Variants in GOLGA3 observed in about 807,000 individuals in gnomAD.
GOLGA3 encodes the protein golgin A3.
GOLGA3 carries 75 observed loss-of-function variants against 169.4 expected under a neutral mutation model. The observed-to-expected ratio is 0.44, with a 90% CI of 0.37 to 0.54. The LOEUF (loss-of-function observed/expected upper bound fraction) is 0.54. Among genes scored for constraint, GOLGA3 ranks in the 20% least tolerant of loss-of-function variants. GOLGA3 has a pLI of 0.00. For missense variants in GOLGA3, 1,899 were observed against 1,930.0 expected, an observed-to-expected ratio of 0.98 and a Z score of 0.30; for synonymous variants, 824 against 822.4, an observed-to-expected ratio of 1.00 and a Z score of -0.03.
rs1231103574 is a variant in GOLGA3 at position 132,796,803 on chromosome 12, C to G, written c.1939-103G>C. 5.7e-5 allele frequency: 63 copies of G among 1,103,508 alleles called. No homozygotes were observed. In the East Asian group the frequency reaches 1.5e-3, roughly 26 times the overall value. 68.4% of individuals were successfully genotyped at this position (1,103,508 alleles called of 1,614,324 possible). On this transcript the variant is annotated intron_variant, in intron 9 of 23. Transcript: ENST00000450791. ...GAGAAACCCACCGCCCTGGCATGGG[C>G]CCCATCCACCTCCTCATCCTGTCTA...
rs552042765 is a variant in GOLGA3, at chr12:132,777,585, C to G, written c.3722+81G>C. On this transcript the variant is annotated intron_variant, in intron 19 of 23. Transcript: ENST00000450791. This position sits in a 1 kb window ranked among gnomAD's most constrained non-coding sequence, Gnocchi z 4.7. ...CAATTTGCAAAATATAGATGACCCTCGCTGTGCTGAAGGTGTGAATTAGAC... is the reference window on the plus strand; with the variant it reads ...CAATTTGCAAAATATAGATGACCCTGGCTGTGCTGAAGGTGTGAATTAGAC... 4.7e-6 allele frequency: 7 copies of G among 1,491,374 alleles called. No homozygotes were observed. The African/African-American group carries it at 8.3e-5, about 18-fold the overall frequency. 92.4% of individuals were successfully genotyped at this position (1,491,374 alleles called of 1,614,324 possible). A position where few individuals can be genotyped will look rare whatever the true frequency, so the allele number is the denominator to read the frequency against.
chr12:132,819,454 T>G (rs1809468), intron 2 of GOLGA3, among the ~76,000 whole-genome samples: 146,901 of 152,244 alleles, frequency 0.96, 71,096 homozygotes, highest in East Asian at 1. Context: ...GCGTGAACCC[T>G]CGAAGTGGAG....
In GOLGA3 at chr12:132,807,924, T is replaced by C; in HGVS notation, c.1145A>G (p.Glu382Gly). Reference protein sequence around the residue: ...HQDQGQEVNGEVRSRRDSICS... With the variant: ...HQDQGQEVNGGVRSRRDSICS... ...GATGCTGTCTCTCCGACTCCGCACC[T>C]CCCCGTTGACCTCCTGCCCCTGGTC... The change falls in exon 5 of 24, where the codon GAG becomes GGG. Residue 382 changes from glutamate (E) to glycine (G), a missense_variant. Coordinates refer to ENST00000450791, the MANE Select transcript of GOLGA3 (RefSeq NM_001389683.1). 6.9e-7 allele frequency: 1 copy of C among 1,452,518 alleles called. No homozygotes were observed. The highest frequency in any genetic ancestry group is 9.3e-7 in the Non-Finnish European group (1 of 1,080,604). The allele number at this position is 1,452,518 out of a possible 1,614,324, so 90.0% of individuals were successfully genotyped here.
rs139934743 is a variant in GOLGA3 at position 132,786,781 on chromosome 12, G to A, written c.2818C>T (p.Gln940Ter). The A allele has an allele frequency of 6.2e-7, 1 of 1,609,746 alleles. No individual in the cohort carries two copies. The highest frequency in any genetic ancestry group is 8.5e-7 in the Non-Finnish European group (1 of 1,176,178). ...DEMETHLQSL[Q>*]FDKEQMVAVT... is the part of the protein sequence containing the mutation. The stretch of plus-strand genomic sequence containing the variant: ...GCGACCATCTGCTCCTTATCGAACT[G>A]CAACGACTGTGGAAGGGAAGGAGGG... The change falls in exon 14 of 24, where the codon CAG becomes TAG. Residue 940 changes from glutamine to a stop codon, truncating the protein, a stop_gained. Coordinates refer to ENST00000450791, the MANE Select transcript of GOLGA3 (RefSeq NM_001389683.1). LOFTEE classifies it high-confidence loss of function.
In GOLGA3 at chr12:132,800,387, G is replaced by A. The variant is rs112327657; in HGVS notation, c.1800+1380C>T. ...CGGGCGCCTGTAATCCCAGCTACTC[G>A]GGACGCTGAGGCAGGAGAATCACTT... On this transcript the variant is annotated intron_variant, in intron 8 of 23. Coordinates refer to ENST00000450791, the MANE Select transcript of GOLGA3 (RefSeq NM_001389683.1). 5.1e-4 allele frequency among the ~76,000 whole-genome samples: 77 copies of A among 151,470 alleles called. 1 individual carries two copies. Among genetic ancestry groups the A allele is most frequent in the African/African-American group, 1.8e-3 (76 of 41,278 alleles).
At chr12:132,807,363 T>C in intron 5 of GOLGA3, 75 bp from the exon 6 acceptor site, 2 of 744,020 alleles carry the variant, frequency 2.7e-6, no homozygotes, top group East Asian at 2.8e-5. Context: ...ATTCTCCAAA[T>C]TCCACACACC....
chr12:132,826,141 G>A, intron 1 of GOLGA3: 1 of 1,590,342 alleles, frequency 6.3e-7, no homozygotes, highest in Non-Finnish European at 8.6e-7. Flanking sequence ...ACGTGCTCCA[G>A]GTCACCAAGG....
chr12:132,825,478 A>C (rs778429502), intron 1 of GOLGA3, among the ~76,000 whole-genome samples: 2 of 152,362 alleles, frequency 1.3e-5, no homozygotes, highest in Middle Eastern at 3.4e-3. Context: ...TGCCGAATTA[A>C]ATCTTCAGTT....
In GOLGA3 at chr12:132,807,985, T is replaced by C. The variant is rs200185636; in HGVS notation, c.1084A>G (p.Lys362Glu). The C allele has an allele frequency of 6.7e-5, 108 of 1,613,332 alleles. No individual in the cohort carries two copies. The highest frequency in any genetic ancestry group is 1.2e-4 in the Admixed American group (7 of 59,892). ...GCGGCTGCGGCCTGGAGGACGTCCTTAATGGAGGGGAACTGGCCCAGGGTA... is the reference window on the plus strand; with the variant it reads ...GCGGCTGCGGCCTGGAGGACGTCCTCAATGGAGGGGAACTGGCCCAGGGTA... ...ADTLGQFPSI[K>E]DVLQAAAAEH... Residue 362 changes from lysine to glutamate, a missense_variant, in exon 5 of 24, where the codon AAG (lysine) becomes GAG (glutamate). Physicochemically the swap from Lys to Glu is moderately conservative, Grantham distance 56. Coordinates refer to ENST00000450791, the MANE Select transcript of GOLGA3 (RefSeq NM_001389683.1).
intron 2 of GOLGA3, among the ~76,000 whole-genome samples, chr12:132,819,991 T>A (rs991055298): frequency 6.6e-6 from 1 of 152,140 alleles, no homozygotes; most frequent in Non-Finnish European, 1.5e-5. Flanking sequence ...ACCAGCCTGA[T>A]CAACATGGAA....
At chr12:132,817,397 A>G (rs111433305) in intron 2 of GOLGA3, among the ~76,000 whole-genome samples, 14 of 448 alleles carry the variant, frequency 0.031, 2 homozygotes, top group East Asian at 0.17. Flanking sequence ...ACACCTCCAC[A>G]CTCTAACGTG....
chr12:132,791,176 A>G, intron 12 of GOLGA3, 40 bp downstream of exon 12: 1 of 1,135,548 alleles, frequency 8.8e-7, no homozygotes, highest in African/African-American at 1.5e-5. Context: ...CTCTGTTCAT[A>G]TGCTTGTTTC....
At chr12:132,808,991 T>G (rs1949564051) in intron 4 of GOLGA3, among the ~76,000 whole-genome samples, 1 of 152,308 alleles carries the variant, frequency 6.6e-6, no homozygotes, top group South Asian at 2.1e-4. Flanking sequence ...CGGAGACCGG[T>G]AGTGGCCCTG....
chr12:132,783,806 A>G (rs2045748316), intron 16 of GOLGA3: 2 of 868,708 alleles, frequency 2.3e-6, no homozygotes, highest in African/African-American at 1.7e-5. Context: ...TCGAGCTCCT[A>G]ACCTCATGAT....
intron 16 of GOLGA3, chr12:132,783,768 G>C: frequency 2.1e-6 from 1 of 469,594 alleles, no homozygotes; most frequent in Non-Finnish European, 3.4e-6. Flanking sequence ...AGTAGAGATG[G>C]GGTTTCACCA....
chr12:132,813,721 CTTTTT>C (rs10717082), intron 3 of GOLGA3, among the ~76,000 whole-genome samples: 2 of 78,872 alleles, frequency 2.5e-5, no homozygotes, highest in Non-Finnish European at 5.0e-5. Context: ...CAGCAAGTGC[CTTTTT>C]TTTTTTTTTT....
intron 11 of GOLGA3, among the ~76,000 whole-genome samples, chr12:132,792,767 G>C (rs112667392): frequency 3.2e-4 from 34 of 105,312 alleles, no homozygotes; most frequent in Admixed American, 5.1e-4. Flanking sequence ...CGGACTGACC[G>C]CACGGGACCT....
chr12:132,810,222 TG>T (rs1949634136), intron 4 of GOLGA3, among the ~76,000 whole-genome samples: 1 of 152,140 alleles, frequency 6.6e-6, no homozygotes, highest in Non-Finnish European at 1.5e-5. Context: ...CACTCCAGCC[TG>T]GGTGACAGAG....
At chr12:132,810,630 T>C (rs1949655172) in intron 4 of GOLGA3, among the ~76,000 whole-genome samples, 1 of 152,220 alleles carries the variant, frequency 6.6e-6, no homozygotes, top group African/African-American at 2.4e-5. Flanking sequence ...AGCCTTCTGT[T>C]ATGCCCAGAC....
Sources: gnomAD v4.1 joint callset for allele counts (sites outside exome capture counted in the v4.1 genomes callset) on GRCh38, gnomAD v4.1.1 for gene constraint, Gnocchi (gnomAD v3.1) non-coding constraint, MANE v1.5 for transcripts, NCBI Gene and HGNC (gene_info 2026-07-23, HGNC 2026-07-21) for gene names.